The following KCNB2 variants were observed in gnomAD, a reference collection of about 807,000 sequenced individuals.
KCNB2 encodes the protein delayed rectifier potassium channel protein.
Under a neutral mutation model 61.5 loss-of-function variants are expected in KCNB2, and 15 were observed. That is an observed-to-expected ratio of 0.24 (90% confidence interval 0.16 to 0.38). KCNB2 has a LOEUF of 0.38. Ranked by LOEUF, KCNB2 falls within the 10% of genes least tolerant of loss-of-function variation. KCNB2 has a pLI of 1.00. For synonymous variants in KCNB2, 457 were observed against 446.0 expected (o/e 1.02, Z -0.31); for missense variants, 828 against 1,125.2 (o/e 0.74, Z 3.78).
At chr8:72,865,537 G>T (rs542052991) in intron 2 of KCNB2, among the ~76,000 whole-genome samples, 26 of 152,280 alleles carry the variant, frequency 1.7e-4, no homozygotes, top group African/African-American at 6.3e-4. Context: ...CAATGGTGAT[G>T]ATAATCATTA....
chr8:72,899,321 G>A (rs112323890), intron 2 of KCNB2, among the ~76,000 whole-genome samples: 16 of 152,228 alleles, frequency 1.1e-4, no homozygotes, highest in African/African-American at 3.6e-4. Context: ...CATTCCCCTT[G>A]AGGGGAATGA....
intron 2 of KCNB2, among the ~76,000 whole-genome samples, chr8:72,700,167 G>T (rs969199723): frequency 1.3e-5 from 2 of 152,076 alleles, no homozygotes; most frequent in Non-Finnish European, 2.9e-5. Flanking sequence ...GGCACAGGGA[G>T]GGGAACATCA....
intron 2 of KCNB2, among the ~76,000 whole-genome samples, chr8:72,570,586 T>G (rs1405817735): frequency 6.6e-6 from 1 of 152,086 alleles, no homozygotes; most frequent in Non-Finnish European, 1.5e-5. Flanking sequence ...TTTTTCTTTC[T>G]GGAGTAATTC....
chr8:72,783,117 A>G (rs928681939), intron 2 of KCNB2, among the ~76,000 whole-genome samples: 2 of 152,186 alleles, frequency 1.3e-5, no homozygotes, highest in African/African-American at 4.8e-5. Flanking sequence ...TAAGAACTTT[A>G]CAGATACCTT....
At chr8:72,581,001 A>T (rs1312294985) in intron 2 of KCNB2, among the ~76,000 whole-genome samples, 5 of 152,122 alleles carry the variant, frequency 3.3e-5, no homozygotes, top group Non-Finnish European at 7.4e-5. Context: ...ACCCTCCTAT[A>T]TAACCATATG....
intron 2 of KCNB2, among the ~76,000 whole-genome samples, chr8:72,778,988 A>T (rs572874244): frequency 6.6e-6 from 1 of 152,014 alleles, no homozygotes; most frequent in African/African-American, 2.4e-5. Flanking sequence ...GTAAGAAGCC[A>T]GGTCGCACCT....
intron 2 of KCNB2, among the ~76,000 whole-genome samples, chr8:72,922,048 C>G (rs181296795): frequency 5.9e-5 from 9 of 152,320 alleles, no homozygotes; most frequent in African/African-American, 2.2e-4. Context: ...GTTCTGGAAG[C>G]TAGAAGTCTA....
At chr8:72,602,466 T>C (rs1333811475) in intron 2 of KCNB2, among the ~76,000 whole-genome samples, 1 of 152,162 alleles carries the variant, frequency 6.6e-6, no homozygotes, top group Non-Finnish European at 1.5e-5. Flanking sequence ...TTATCAATAT[T>C]TGTTCATTTA....
intron 2 of KCNB2, among the ~76,000 whole-genome samples, chr8:72,719,001 G>A (rs1374449532): frequency 2.0e-5 from 3 of 151,878 alleles, no homozygotes; most frequent in Middle Eastern, 6.3e-3. Context: ...AAGGGTTATG[G>A]CAAATAGTAG....
chr8:72,812,351 T>C (rs1809322060), intron 2 of KCNB2, among the ~76,000 whole-genome samples: 1 of 152,132 alleles, frequency 6.6e-6, no homozygotes, highest in Admixed American at 6.5e-5. Context: ...CAGATTTACT[T>C]TCTTCTTTCC....
intron 2 of KCNB2, among the ~76,000 whole-genome samples, chr8:72,659,516 T>A (rs980137372): frequency 6.6e-6 from 1 of 152,252 alleles, no homozygotes; most frequent in African/African-American, 2.4e-5. Flanking sequence ...ATTTTGAAAG[T>A]CGTTCTACTG....
intron 2 of KCNB2, among the ~76,000 whole-genome samples, chr8:72,797,735 T>C (rs1322418989): frequency 1.3e-5 from 2 of 152,180 alleles, no homozygotes; most frequent in African/African-American, 4.8e-5. Flanking sequence ...TGGCCTGAAC[T>C]AGATTATGAT....
At chr8:72,644,341 G>T (rs1563547421) in intron 2 of KCNB2, among the ~76,000 whole-genome samples, 1 of 152,074 alleles carries the variant, frequency 6.6e-6, no homozygotes, top group Non-Finnish European at 1.5e-5. Context: ...GATATTAGCT[G>T]GTTATTTACT....
At chr8:72,617,607 A>G (rs1295015439) in intron 2 of KCNB2, among the ~76,000 whole-genome samples, 1 of 151,970 alleles carries the variant, frequency 6.6e-6, no homozygotes, top group Non-Finnish European at 1.5e-5. Flanking sequence ...CAAAAAAAAA[A>G]AAAAATGACA....
intron 2 of KCNB2, among the ~76,000 whole-genome samples, chr8:72,823,947 T>A (rs536906769): frequency 6.6e-6 from 1 of 152,260 alleles, no homozygotes; most frequent in African/African-American, 2.4e-5. Flanking sequence ...CCCCATCTTG[T>A]AGCTGGTATA....
rs187611573 is a variant in KCNB2 at position 72,867,387 on chromosome 8, G to A, written c.580-68548G>A. On this transcript the variant is annotated intron_variant, in intron 2 of 2. Coordinates refer to ENST00000523207, the MANE Select transcript of KCNB2 (RefSeq NM_004770.3). Reference sequence around the variant, plus strand: ...CCAGAGGCCGGGAGTGGTGGCTCACGCCTATAAGCCCTGCACTTTGGGAGC... The same window carrying A: ...CCAGAGGCCGGGAGTGGTGGCTCACACCTATAAGCCCTGCACTTTGGGAGC... Among the ~76,000 whole-genome samples the A allele has an allele frequency of 2.5e-3, 387 of 152,176 alleles. 3 individuals carry two copies. The highest frequency in any genetic ancestry group is 8.6e-3 in the African/African-American group (359 of 41,530).
chr8:72,574,699 T>C (rs1165071087), intron 2 of KCNB2, among the ~76,000 whole-genome samples: 2 of 152,194 alleles, frequency 1.3e-5, no homozygotes, highest in Admixed American at 6.5e-5. Context: ...TAATTATCAT[T>C]TTCAACGTTG....
At chr8:72,772,513 G>C (rs138536338) in intron 2 of KCNB2, among the ~76,000 whole-genome samples, 83 of 152,308 alleles carry the variant, frequency 5.4e-4, no homozygotes, top group African/African-American at 1.7e-3. Context: ...CCAAGTATAG[G>C]ATTAGGCATT....
intron 2 of KCNB2, among the ~76,000 whole-genome samples, chr8:72,692,402 C>T (rs1806954195): frequency 6.6e-6 from 1 of 151,970 alleles, no homozygotes; most frequent in African/African-American, 2.4e-5. Context: ...GAAACACTGC[C>T]CCATTCCAGA....
Sources: allele counts gnomAD v4.1 joint callset (sites outside exome capture counted in the v4.1 genomes callset), GRCh38; gene constraint gnomAD v4.1.1; transcripts MANE v1.5; gene names NCBI Gene and HGNC (gene_info 2026-07-23, HGNC 2026-07-21).